The following GMPR variants were observed in gnomAD, a reference collection of about 807,000 sequenced individuals.
GMPR encodes GMP reductase 1.
GMPR carries 31 observed loss-of-function variants against 38.4 expected under a neutral mutation model. That is an observed-to-expected ratio of 0.81 (90% CI 0.61 to 1.09). The LOEUF (loss-of-function observed/expected upper bound fraction) is 1.09, where lower values mean the gene tolerates loss of function less well. GMPR is among the 50% of genes least tolerant of loss of function. The probability of loss-of-function intolerance (pLI) is 0.00; values close to 1 mark genes in which losing one functional copy is unlikely to be tolerated. For synonymous variants in GMPR, 162 were observed against 173.3 expected (o/e 0.93, Z 0.51); for missense variants, 468 against 453.7 (o/e 1.03, Z -0.29).
chr6:16,245,905 TTC>T (rs1463989952), intron 1 of GMPR, among the ~76,000 whole-genome samples: 1 of 151,738 alleles, frequency 6.6e-6, no homozygotes, highest in Admixed American at 6.6e-5. Context: ...GGCAGAGGGG[TTC>T]TGGGAGAACT....
chr6:16,248,841 G>C (rs1020740359), intron 2 of GMPR, among the ~76,000 whole-genome samples: 1 of 152,196 alleles, frequency 6.6e-6, no homozygotes, highest in Non-Finnish European at 1.5e-5. Context: ...TCACATAATA[G>C]ATTATAGTCC....
chr6:16,280,373 C>T (rs1759553581), intron 6 of GMPR, among the ~76,000 whole-genome samples: 1 of 152,120 alleles, frequency 6.6e-6, no homozygotes, highest in Non-Finnish European at 1.5e-5. Flanking sequence ...AATTTTTCAC[C>T]CACCCATCCA....
chr6:16,243,217 C>G lies in GMPR; in HGVS notation c.88-3625C>G, dbSNP rs151326812. Among the ~76,000 whole-genome samples the G allele has an allele frequency of 5.9e-5, 9 of 152,294 alleles. No homozygotes were observed. The East Asian group carries it at 1.7e-3, about 29-fold the overall frequency. ...CAAAATACACATAATATGTCCAGCACAAAGGTGGTGATTCATGAAGTTTGA... is the reference window on the plus strand; with the variant it reads ...CAAAATACACATAATATGTCCAGCAGAAAGGTGGTGATTCATGAAGTTTGA... On this transcript the variant is annotated intron_variant, in intron 1 of 8. Transcript: ENST00000259727.
intron 7 of GMPR, among the ~76,000 whole-genome samples, chr6:16,286,976 C>T (rs1294671354): frequency 6.6e-6 from 1 of 152,146 alleles, no homozygotes; most frequent in African/African-American, 2.4e-5. Flanking sequence ...AAGGAAAACA[C>T]AGGGCAGTGT....
At chr6:16,241,331 C>A (rs1758644647) in intron 1 of GMPR, among the ~76,000 whole-genome samples, 1 of 152,160 alleles carries the variant, frequency 6.6e-6, no homozygotes. Flanking sequence ...CAGGCTATAG[C>A]AGGAAACGGA....
At chr6:16,248,044 A>T (rs72833474) in intron 2 of GMPR, among the ~76,000 whole-genome samples, 4,965 of 151,984 alleles carry the variant, frequency 0.033, 175 homozygotes, top group East Asian at 0.14. Flanking sequence ...AGACTGGGCA[A>T]CATGGCGAAG....
intron 4 of GMPR, among the ~76,000 whole-genome samples, chr6:16,269,017 TTTTA>T (rs1164614904): frequency 5.3e-5 from 8 of 151,830 alleles, no homozygotes; most frequent in African/African-American, 1.9e-4. Flanking sequence ...AAAACAAAAA[TTTTA>T]TTTCTGTTTT....
chr6:16,250,141 G>T, intron 2 of GMPR, 143 bp from the exon 3 acceptor site: 1 of 664,516 alleles, frequency 1.5e-6, no homozygotes, highest in South Asian at 1.7e-5. Flanking sequence ...GGTTTTGGCT[G>T]CTAGGAGCAC....
intron 3 of GMPR, among the ~76,000 whole-genome samples, chr6:16,253,609 C>T (rs1448908889): frequency 1.4e-5 from 2 of 147,280 alleles, no homozygotes; most frequent in Admixed American, 6.6e-5. Flanking sequence ...CCAGGCCCCA[C>T]CTCCACTGGG....
intron 4 of GMPR, among the ~76,000 whole-genome samples, chr6:16,273,508 C>G (rs1759421675): frequency 6.6e-6 from 1 of 152,192 alleles, no homozygotes; most frequent in African/African-American, 2.4e-5. Flanking sequence ...GATTCTGCCA[C>G]TTCCTGGAGG....
chr6:16,281,987 T>C (rs1468449880), intron 6 of GMPR, among the ~76,000 whole-genome samples: 1 of 152,224 alleles, frequency 6.6e-6, no homozygotes, highest in Non-Finnish European at 1.5e-5. Flanking sequence ...ACTCCCTTTG[T>C]CTAACAGGGC....
intron 7 of GMPR, among the ~76,000 whole-genome samples, chr6:16,286,402 C>T (rs1393792060): frequency 6.6e-6 from 1 of 151,894 alleles, no homozygotes; most frequent in East Asian, 2.0e-4. Flanking sequence ...GCTGCCGAGC[C>T]ATGTGTTGGC....
intron 4 of GMPR, among the ~76,000 whole-genome samples, chr6:16,267,022 G>GTT (rs942631991): frequency 6.6e-6 from 1 of 151,272 alleles, no homozygotes; most frequent in Non-Finnish European, 1.5e-5. Context: ...TTTAAGAGCT[G>GTT]TAACACTCCC....
chr6:16,258,675 G>C (rs1021282669), intron 4 of GMPR, among the ~76,000 whole-genome samples: 5 of 152,234 alleles, frequency 3.3e-5, no homozygotes, highest in African/African-American at 1.2e-4. Context: ...AAGCTGTTCT[G>C]TGCCTGCATT....
At chr6:16,267,727 T>C (rs539534115) in intron 4 of GMPR, among the ~76,000 whole-genome samples, 1 of 152,248 alleles carries the variant, frequency 6.6e-6, no homozygotes, top group African/African-American at 2.4e-5. Flanking sequence ...CTGTGTTGGC[T>C]CTGGGAGATG....
chr6:16,261,083 G>C (rs559571707), intron 4 of GMPR, among the ~76,000 whole-genome samples: 29 of 150,782 alleles, frequency 1.9e-4, no homozygotes, highest in South Asian at 6.2e-4. Context: ...CCGCTGCACG[G>C]AGACATGATG....
intron 8 of GMPR, among the ~76,000 whole-genome samples, chr6:16,292,734 G>A (rs548699195): frequency 1.3e-5 from 2 of 152,256 alleles, no homozygotes; most frequent in East Asian, 1.9e-4. Flanking sequence ...TTTCACCCTC[G>A]TGGCTGCATC....
chr6:16,262,457 C>G (rs1759105713), intron 4 of GMPR: 1 of 152,028 alleles, frequency 6.6e-6, no homozygotes. Flanking sequence ...GCACTTGTAG[C>G]AAGCTCCTGG....
At chr6:16,286,364 C>G (rs1759678598) in intron 7 of GMPR, among the ~76,000 whole-genome samples, 1 of 151,918 alleles carries the variant, frequency 6.6e-6, no homozygotes, top group Non-Finnish European at 1.5e-5. Flanking sequence ...ACGCTCCAGC[C>G]TCTCAACACC....
Sources: allele counts gnomAD v4.1 joint callset (sites outside exome capture counted in the v4.1 genomes callset), GRCh38; gene constraint gnomAD v4.1.1; transcripts MANE v1.5; gene names NCBI Gene and HGNC (gene_info 2026-07-23, HGNC 2026-07-21).